KATNAL1: variants seen among roughly 807,000 people sequenced by gnomAD.
KATNAL1 encodes the protein katanin catalytic subunit A1 like 1, also known as katanin p60 ATPase-containing subunit A-like 1.
A neutral mutation model predicts 55.2 loss-of-function variants in KATNAL1; 32 were observed. That is an observed-to-expected ratio of 0.58 (90% confidence interval 0.44 to 0.78). The LOEUF (loss-of-function observed/expected upper bound fraction) is 0.78. Ranked by LOEUF, KATNAL1 falls within the 30% of genes least tolerant of loss-of-function variation. The probability of loss-of-function intolerance (pLI) is 0.00; values close to 1 mark genes in which losing one functional copy is unlikely to be tolerated. For missense variants in KATNAL1, 466 were observed against 600.9 expected, an observed-to-expected ratio of 0.78 and a Z score of 2.35; for synonymous variants, 193 against 193.6, an observed-to-expected ratio of 1.00 and a Z score of 0.02.
rs569818166 is a variant in KATNAL1 at position 30,257,664 on chromosome 13, T to C, written c.324-2049A>G. Among the ~76,000 whole-genome samples the C allele has an allele frequency of 5.3e-4, 80 of 152,364 alleles. 1 individual carries two copies. Among genetic ancestry groups the C allele is most frequent in the Non-Finnish European group, 2.2e-4 (15 of 68,030 alleles). ...ACAAATCCCGCTCAGTAAAGCTGTA[T>C]TGTGGAAGAATTGGTTCAAAGCTCT... On this transcript the variant is annotated intron_variant, in intron 3 of 10. Transcript: ENST00000380615.
At chr13:30,252,177 C>A (rs1878377658) in intron 4 of KATNAL1, among the ~76,000 whole-genome samples, 1 of 152,156 alleles carries the variant, frequency 6.6e-6, no homozygotes, top group African/African-American at 2.4e-5. Context: ...AATTTCTCTA[C>A]ACATAAAACA....
At chr13:30,257,772 G>A (rs1036686556) in intron 3 of KATNAL1, among the ~76,000 whole-genome samples, 1 of 151,334 alleles carries the variant, frequency 6.6e-6, no homozygotes, top group African/African-American at 2.4e-5. Context: ...AATAGTCTGA[G>A]TGAAACTGCT....
chr13:30,250,380 T>C (rs1293520585), intron 4 of KATNAL1, among the ~76,000 whole-genome samples: 1 of 152,258 alleles, frequency 6.6e-6, no homozygotes, highest in Non-Finnish European at 1.5e-5. Flanking sequence ...AGCATGTTTT[T>C]ATTGTTTCAT....
At chr13:30,282,690 CATGCTTGTA>C (rs1241810635) in intron 2 of KATNAL1, among the ~76,000 whole-genome samples, 3 of 150,136 alleles carry the variant, frequency 2.0e-5, no homozygotes, top group African/African-American at 7.3e-5. Context: ...CGTGGTGGCT[CATGCTTGTA>C]ATCCCAGCAC....
At chr13:30,271,934 G>C (rs1880409769) in intron 3 of KATNAL1, among the ~76,000 whole-genome samples, 1 of 150,628 alleles carries the variant, frequency 6.6e-6, no homozygotes, top group Non-Finnish European at 1.5e-5. Context: ...GCCTTAGGAG[G>C]GAAAAAGAGA....
Position 30,285,448 on chromosome 13 carries a change from C to T in KATNAL1, c.-14-1657G>A, listed in dbSNP as rs947130410. On this transcript the variant is annotated intron_variant, in intron 1 of 10. Transcript: ENST00000380615. ...ATGGTTTTATAAGCATCTGGTATTC[C>T]CCCTGCTGGCATGCATTCTCTCTCC... is the stretch of plus-strand genomic sequence containing the variant. 2.6e-5 allele frequency among the ~76,000 whole-genome samples: 4 copies of T among 152,192 alleles called. No individual in the cohort carries two copies. The East Asian group carries it at 5.8e-4, about 22-fold the overall frequency.
chr13:30,274,899 GCGCGCGCGCACACACACACACACACACA>G (rs1880683883), intron 3 of KATNAL1, among the ~76,000 whole-genome samples: 2 of 112,328 alleles, frequency 1.8e-5, no homozygotes, highest in Non-Finnish European at 3.5e-5. Context: ...ATACGCGCGC[GCGCGCGCGCACACACACACACACACACA>G]CACACACACA....
At chr13:30,305,427 A>T (rs566303784) in intron 1 of KATNAL1, among the ~76,000 whole-genome samples, 16 of 152,358 alleles carry the variant, frequency 1.1e-4, no homozygotes, top group African/African-American at 3.8e-4. Context: ...TAAAAGTCAA[A>T]TCACACTGAA....
At chr13:30,288,523 C>T (rs1881938634) in intron 1 of KATNAL1, among the ~76,000 whole-genome samples, 1 of 152,128 alleles carries the variant, frequency 6.6e-6, no homozygotes, top group Non-Finnish European at 1.5e-5. Context: ...CTTGATATTA[C>T]TTGTGATTCA....
At position 30,210,579 on chromosome 13, in the gene KATNAL1, T is replaced by C. The variant is rs1408457434; in HGVS notation, c.1148-137A>G. On this transcript the variant is annotated intron_variant, in intron 9 of 10. Coordinates refer to ENST00000380615, the MANE Select transcript of KATNAL1 (RefSeq NM_032116.5). ...AATAACTGTGTGTCCATTAGTATTA[T>C]TACCAATTCACTGCATGACTCATGG... 1.9e-5 allele frequency: 11 copies of C among 580,018 alleles called. No homozygotes were observed. The Admixed American group carries it at 3.9e-4, about 20-fold the overall frequency. 35.9% of individuals were successfully genotyped at this position (580,018 alleles called of 1,614,324 possible).
At chr13:30,296,272 C>A in intron 1 of KATNAL1, 1 of 1,200,056 alleles carries the variant, frequency 8.3e-7, no homozygotes, top group Non-Finnish European at 1.2e-6. Context: ...TCCTCTTTTT[C>A]TACCCTCTGG....
At chr13:30,274,952 C>CACACACACACACACACAG (rs1555265663) in intron 3 of KATNAL1, among the ~76,000 whole-genome samples, 1 of 144,494 alleles carries the variant, frequency 6.9e-6, no homozygotes, top group African/African-American at 2.7e-5. Context: ...CACACACACA[C>CACACACACACACACACAG]AGGAATATTA....
chr13:30,299,706 ATCT>A (rs1006864775), intron 1 of KATNAL1, among the ~76,000 whole-genome samples: 5 of 152,200 alleles, frequency 3.3e-5, no homozygotes, highest in African/African-American at 1.2e-4. Flanking sequence ...TAAATTAAGC[ATCT>A]TCTTACAGTA....
chr13:30,256,399 C>T (rs1279220797), intron 3 of KATNAL1, among the ~76,000 whole-genome samples: 2 of 152,224 alleles, frequency 1.3e-5, no homozygotes, highest in African/African-American at 4.8e-5. Flanking sequence ...GACTCTATCA[C>T]TTCGTGTCTA....
chr13:30,291,451 T>C (rs1882128079), intron 1 of KATNAL1, among the ~76,000 whole-genome samples: 1 of 152,216 alleles, frequency 6.6e-6, no homozygotes, highest in African/African-American at 2.4e-5. Context: ...TATGTGTTTA[T>C]GAATAAAAAC....
At chr13:30,252,299 C>T (rs1207617398) in intron 4 of KATNAL1, among the ~76,000 whole-genome samples, 1 of 152,194 alleles carries the variant, frequency 6.6e-6, no homozygotes, top group Non-Finnish European at 1.5e-5. Context: ...GATAAGTGCG[C>T]TCAAGGAAGA....
At chr13:30,299,438 T>C (rs985698298) in intron 1 of KATNAL1, among the ~76,000 whole-genome samples, 2 of 152,086 alleles carry the variant, frequency 1.3e-5, no homozygotes, top group African/African-American at 4.8e-5. Flanking sequence ...TCAACATCAA[T>C]GCAGATAACT....
intron 1 of KATNAL1, among the ~76,000 whole-genome samples, chr13:30,290,567 T>C (rs533624043): frequency 1.1e-4 from 16 of 152,104 alleles, no homozygotes; most frequent in Admixed American, 3.9e-4. Flanking sequence ...TTTTTTGCCA[T>C]AGTTCTTTTG....
intron 3 of KATNAL1, among the ~76,000 whole-genome samples, chr13:30,270,884 C>T (rs1430854837): frequency 4.7e-5 from 7 of 147,990 alleles, no homozygotes; most frequent in South Asian, 4.3e-4. Context: ...TCCCCCTCTG[C>T]GAGAAACACC....
Sources: gnomAD v4.1 joint callset for allele counts (sites outside exome capture counted in the v4.1 genomes callset) on GRCh38, gnomAD v4.1.1 for gene constraint, MANE v1.5 for transcripts, NCBI Gene and HGNC (gene_info 2026-07-23, HGNC 2026-07-21) for gene names.